RIMKLA: variants seen among roughly 807,000 people sequenced by gnomAD.
RIMKLA encodes N-acetylaspartylglutamate synthase A.
RIMKLA carries 14 observed loss-of-function variants against 32.7 expected under a neutral mutation model. The ratio of observed to expected loss-of-function variants is 0.43; its 90% CI spans 0.28 to 0.67. RIMKLA has a LOEUF of 0.67. Ranked by LOEUF, RIMKLA falls within the 30% of genes least tolerant of loss-of-function variation. The probability of loss-of-function intolerance (pLI) is 0.18; values close to 1 mark genes in which losing one functional copy is unlikely to be tolerated. For synonymous variants in RIMKLA, 176 were observed against 204.1 expected (o/e 0.86, Z 1.18); for missense variants, 410 against 519.0 (o/e 0.79, Z 2.04).
intron 1 of RIMKLA, among the ~76,000 whole-genome samples, chr1:42,383,516 T>C (rs1642909116): frequency 6.6e-6 from 1 of 152,244 alleles, no homozygotes; most frequent in Non-Finnish European, 1.5e-5. Context: ...CTCTGGTTCC[T>C]AGTTTCTTCT....
chr1:42,404,757 A>G (rs2148391975), intron 3 of RIMKLA, among the ~76,000 whole-genome samples, 160 bp downstream of exon 3: 1 of 152,286 alleles, frequency 6.6e-6, no homozygotes, highest in South Asian at 2.1e-4. Context: ...TGCTTTTGTC[A>G]GATCATGCTC....
Position 42,409,201 on chromosome 1 carries a change from C to CAAA in RIMKLA, c.482-755_482-753dup, listed in dbSNP as rs59543497. On this transcript the variant is annotated intron_variant, in intron 3 of 4. Transcript: ENST00000431473. ...TGGGTGACAGAGCGAGACTCTGTCT[C>CAAA]AAAAAAAAAAAAAAAAAAAAAAAAA... 8.2e-4 allele frequency among the ~76,000 whole-genome samples: 53 copies of CAAA among 64,496 alleles called. 1 individual carries two copies. Among genetic ancestry groups the CAAA allele is most frequent in the African/African-American group, 3.2e-3 (48 of 14,848 alleles). The allele number at this position is 64,496 out of a possible 152,430, so 42.3% of individuals were successfully genotyped here.
At chr1:42,405,160 C>T (rs1643132502) in intron 3 of RIMKLA, among the ~76,000 whole-genome samples, 1 of 152,246 alleles carries the variant, frequency 6.6e-6, no homozygotes, top group Non-Finnish European at 1.5e-5. Context: ...TTCTTCTGCT[C>T]ATCCTTTAAG....
At chr1:42,381,873 T>C (rs1642892231) in intron 1 of RIMKLA, among the ~76,000 whole-genome samples, 1 of 152,228 alleles carries the variant, frequency 6.6e-6, no homozygotes, top group Admixed American at 6.5e-5. Flanking sequence ...TAGGAATCCC[T>C]GACGCAGAAA....
chr1:42,383,055 T>G (rs965975167), intron 1 of RIMKLA, among the ~76,000 whole-genome samples: 1 of 151,392 alleles, frequency 6.6e-6, no homozygotes, highest in Non-Finnish European at 1.5e-5. Flanking sequence ...ATTTATTTAT[T>G]TATTTATTTT....
chr1:42,401,275 C>T (rs1000812459), intron 2 of RIMKLA, among the ~76,000 whole-genome samples: 2 of 152,120 alleles, frequency 1.3e-5, no homozygotes, highest in African/African-American at 4.8e-5. Flanking sequence ...ATGTGCCGCC[C>T]GGTTCCTAAC....
At chr1:42,383,659 G>A (rs547996892) in intron 1 of RIMKLA, among the ~76,000 whole-genome samples, 6 of 152,300 alleles carry the variant, frequency 3.9e-5, no homozygotes, top group African/African-American at 1.4e-4. Context: ...TTTACCATTT[G>A]AGAACTACAG....
At position 42,410,146 on chromosome 1, in the gene RIMKLA, G is replaced by A. The variant is rs756531741; in HGVS notation, c.644G>A (p.Arg215His). 10 of 1,614,158 alleles carry A rather than the reference G, an allele frequency of 6.2e-6. No homozygotes were observed. Among genetic ancestry groups the A allele is most frequent in the Non-Finnish European group, 7.6e-6 (9 of 1,180,030 alleles). Residue 215 changes from arginine to histidine, a missense_variant, in exon 4 of 5, where the codon CGC (arginine) becomes CAC (histidine). Coordinates refer to ENST00000431473, the MANE Select transcript of RIMKLA (RefSeq NM_173642.4). ...VGGQVIGSML[R>H]CSTDGRMQSN... ...GGCCAGGTCATAGGCTCTATGCTTC[G>A]CTGCTCCACTGATGGACGGATGCAG...
intron 2 of RIMKLA, among the ~76,000 whole-genome samples, chr1:42,401,509 G>A (rs554652321): frequency 4.8e-4 from 73 of 151,948 alleles, no homozygotes; most frequent in African/African-American, 1.7e-3. Context: ...AGAGAAAAAA[G>A]AGAGATCAGA....
In RIMKLA at chr1:42,381,061, G is replaced by C; in HGVS notation, c.127G>C (p.Asp43His). 7.6e-7 allele frequency: 1 copy of C among 1,310,742 alleles called. No individual in the cohort carries two copies. The highest frequency in any genetic ancestry group is 9.8e-7 in the Non-Finnish European group (1 of 1,025,106). The allele number at this position is 1,310,742 out of a possible 1,614,324, so 81.2% of individuals were successfully genotyped here. The change falls in exon 1 of 5, where the codon GAC (aspartate) becomes CAC (histidine). Residue 43 changes from aspartate to histidine, a missense_variant. Physicochemically the swap from Asp to His is moderately conservative, Grantham distance 81. Transcript: ENST00000431473. The stretch of plus-strand genomic sequence containing the variant: ...CGTGCGCTTCCGGGCGGTGCTTATG[G>C]ACCAGATCGCCGTCACCATCGTCGG... ...QDVRFRAVLM[D>H]QIAVTIVGGH...
rs1002894032 is a variant in RIMKLA, at chr1:42,420,501, C to T, written c.*5527C>T. On this transcript the variant is annotated 3_prime_UTR_variant, in exon 5 of 5. Transcript: ENST00000431473. The stretch of plus-strand genomic sequence containing the variant: ...GGGACAGAGCAGTTCCATTTATATT[C>T]TCACATACAACCAGATGGATAGCCA... 6.6e-5 allele frequency: 10 copies of T among 152,210 alleles called. No individual in the cohort carries two copies. The highest frequency in any genetic ancestry group is 6.5e-4 in the Admixed American group (10 of 15,286). 9.4% of individuals were successfully genotyped at this position (152,210 alleles called of 1,614,324 possible).
chr1:42,380,896 A>G lies in RIMKLA; in HGVS notation c.-39A>G. On this transcript the variant is annotated 5_prime_UTR_variant, in exon 1 of 5. Coordinates refer to ENST00000431473, the MANE Select transcript of RIMKLA (RefSeq NM_173642.4). ...ACTGAGCGAGCGGCCCGGGGCGCCG[A>G]GGGGTCCGCGCCGCGCGGGGCGCAC... 1 of 1,256,724 alleles carries G rather than the reference A, an allele frequency of 8.0e-7. No individual in the cohort carries two copies. The highest frequency in any genetic ancestry group is 3.1e-5 in the South Asian group (1 of 32,720). 77.8% of individuals were successfully genotyped at this position (1,256,724 alleles called of 1,614,324 possible). A position where few individuals can be genotyped will look rare whatever the true frequency, so the allele number is the denominator to read the frequency against.
In RIMKLA at chr1:42,416,183, A is replaced by T. The variant is rs1163645735; in HGVS notation, c.*1209A>T. The T allele has an allele frequency of 6.6e-6, 1 of 151,994 alleles. No individual in the cohort carries two copies. Among genetic ancestry groups the T allele is most frequent in the African/African-American group, 2.4e-5 (1 of 41,416 alleles). 9.4% of individuals were successfully genotyped at this position (151,994 alleles called of 1,614,324 possible). A position where few individuals can be genotyped will look rare whatever the true frequency, so the allele number is the denominator to read the frequency against. On this transcript the variant is annotated 3_prime_UTR_variant, in exon 5 of 5. Coordinates refer to ENST00000431473, the MANE Select transcript of RIMKLA (RefSeq NM_173642.4). The stretch of plus-strand genomic sequence containing the variant: ...CTTTCCCTTGGGAGAAATCACAGAG[A>T]TGGAGTTTTCCATTTCTGCTTATAC...
At position 42,410,113 on chromosome 1, in the gene RIMKLA, T is replaced by C; in HGVS notation, c.611T>C (p.Val204Ala). Residue 204 changes from valine (V) to alanine (A), a missense_variant, in exon 4 of 5, where the codon GTG becomes GCG. Transcript: ENST00000431473. ...CATGGAAAGGACATCCGGGTGGTGGTGGTAGGGGGCCAGGTCATAGGCTCT... is the reference window on the plus strand; with the variant it reads ...CATGGAAAGGACATCCGGGTGGTGGCGGTAGGGGGCCAGGTCATAGGCTCT... ...ESHGKDIRVVVVGGQVIGSML... is the reference protein window; with the variant it reads ...ESHGKDIRVVAVGGQVIGSML... 6 of 1,614,038 alleles carry C rather than the reference T, an allele frequency of 3.7e-6. No homozygotes were observed. The African/African-American group carries it at 6.7e-5, about 18-fold the overall frequency.
intron 4 of RIMKLA, chr1:42,412,486 G>T: frequency 2.5e-6 from 1 of 394,054 alleles, no homozygotes; most frequent in Non-Finnish European, 4.9e-6. Flanking sequence ...AGCTGAGGTT[G>T]TCAGTACAGT....
rs201034616 is a variant in RIMKLA at position 42,411,179 on chromosome 1, TA to T, written c.685+995del. Among the ~76,000 whole-genome samples the T allele has an allele frequency of 2.8e-3, 420 of 151,480 alleles. 3 individuals carry two copies. The highest frequency in any genetic ancestry group is 9.5e-3 in the African/African-American group (395 of 41,394). On this transcript the variant is annotated intron_variant, in intron 4 of 4. Transcript: ENST00000431473. ...ACCCCATCTCTACAAATTTTTTTTT[TA>T]AAGTTAGCCAAGTGCAGTAGCACAT...
Position 42,419,145 on chromosome 1 carries a change from C to A in RIMKLA, c.*4171C>A, listed in dbSNP as rs1481049991. 6.6e-6 allele frequency: 1 copy of A among 152,192 alleles called. No homozygotes were observed. Among genetic ancestry groups the A allele is most frequent in the Non-Finnish European group, 1.5e-5 (1 of 68,028 alleles). The allele number at this position is 152,192 out of a possible 1,614,324, so 9.4% of individuals were successfully genotyped here. On this transcript the variant is annotated 3_prime_UTR_variant, in exon 5 of 5. Transcript: ENST00000431473. ...AGGGCTATAATGTTATAATCTTTTC[C>A]TAAAACTAAATCATGCCTCCATTCC...
intron 1 of RIMKLA, among the ~76,000 whole-genome samples, chr1:42,386,199 G>A (rs1053588354): frequency 1.3e-5 from 2 of 151,716 alleles, no homozygotes; most frequent in Admixed American, 1.3e-4. Context: ...CTGGTATTAC[G>A]GGCGTGAGCC....
At chr1:42,409,201 C>CAAAAAAAAAA (rs59543497) in intron 3 of RIMKLA, among the ~76,000 whole-genome samples, 14 of 64,496 alleles carry the variant, frequency 2.2e-4, no homozygotes, top group African/African-American at 8.1e-4. Flanking sequence ...GACTCTGTCT[C>CAAAAAAAAAA]AAAAAAAAAA....
Sources: allele counts gnomAD v4.1 joint callset (sites outside exome capture counted in the v4.1 genomes callset), GRCh38; gene constraint gnomAD v4.1.1; transcripts MANE v1.5; gene names NCBI Gene and HGNC (gene_info 2026-07-23, HGNC 2026-07-21).